Variants in STAC observed in about 807,000 individuals in gnomAD.
STAC encodes the protein SH3 and cysteine rich domain, also known as SH3 and cysteine-rich domain-containing protein.
A neutral mutation model predicts 48.8 loss-of-function variants in STAC; 43 were observed. The observed-to-expected ratio is 0.88, with a 90% confidence interval of 0.69 to 1.14. The LOEUF (loss-of-function observed/expected upper bound fraction) is 1.14. Among genes scored for constraint, STAC ranks in the 50% most tolerant of loss-of-function variants. STAC has a pLI of 0.00. For missense variants in STAC, 497 were observed against 504.0 expected, an observed-to-expected ratio of 0.99 and a Z score of 0.13; for synonymous variants, 193 against 179.5, an observed-to-expected ratio of 1.07 and a Z score of -0.60.
At chr3:36,400,374 A>C (rs985783965) in intron 1 of STAC, among the ~76,000 whole-genome samples, 2 of 152,208 alleles carry the variant, frequency 1.3e-5, no homozygotes, top group Non-Finnish European at 2.9e-5. Context: ...TTTCACTGAA[A>C]ATATAATGTA....
intron 2 of STAC, among the ~76,000 whole-genome samples, chr3:36,481,571 C>T (rs113231350): frequency 1.9e-3 from 296 of 152,304 alleles, no homozygotes; most frequent in African/African-American, 6.6e-3. Context: ...ACTACCTGGA[C>T]ATATTCATTC....
At chr3:36,528,274 T>G (rs1575264052) in intron 8 of STAC, among the ~76,000 whole-genome samples, 1 of 152,056 alleles carries the variant, frequency 6.6e-6, no homozygotes, top group Non-Finnish European at 1.5e-5. Context: ...ATTGAGACCA[T>G]CCTGGCCAAC....
intron 6 of STAC, among the ~76,000 whole-genome samples, chr3:36,496,737 C>T (rs1321118987): frequency 1.3e-5 from 2 of 152,198 alleles, no homozygotes; most frequent in Non-Finnish European, 2.9e-5. Flanking sequence ...AGAAGCTTCA[C>T]TCATAACAAA....
intron 1 of STAC, among the ~76,000 whole-genome samples, chr3:36,395,815 C>A (rs1184041079): frequency 6.6e-6 from 1 of 152,020 alleles, no homozygotes; most frequent in East Asian, 1.9e-4. Flanking sequence ...GACTGTCAGT[C>A]CCAGTAATCT....
intron 1 of STAC, among the ~76,000 whole-genome samples, chr3:36,433,384 C>A (rs1700752194): frequency 6.6e-6 from 1 of 152,156 alleles, no homozygotes; most frequent in Non-Finnish European, 1.5e-5. Context: ...CAGTAAGGAA[C>A]CTGGTATAAC....
intron 1 of STAC, among the ~76,000 whole-genome samples, chr3:36,406,921 G>A (rs1201474124): frequency 6.6e-6 from 1 of 152,168 alleles, no homozygotes; most frequent in Non-Finnish European, 1.5e-5. Context: ...TTAATGTATG[G>A]ATGAATGAAT....
intron 1 of STAC, among the ~76,000 whole-genome samples, chr3:36,423,772 C>A (rs1700500926): frequency 6.6e-6 from 1 of 152,116 alleles, no homozygotes; most frequent in Non-Finnish European, 1.5e-5. Flanking sequence ...CCTTGCTTAA[C>A]ACATTCAGCA....
chr3:36,431,387 T>A (rs556312180), intron 1 of STAC, among the ~76,000 whole-genome samples: 1 of 152,238 alleles, frequency 6.6e-6, no homozygotes, highest in African/African-American at 2.4e-5. Flanking sequence ...CTGCCGCCCG[T>A]GTTGGGCTTT....
At chr3:36,398,640 AAG>A (rs1288483916) in intron 1 of STAC, among the ~76,000 whole-genome samples, 2 of 117,688 alleles carry the variant, frequency 1.7e-5, no homozygotes, top group Non-Finnish European at 3.8e-5. Flanking sequence ...GAGAGAAAGA[AAG>A]AAAGAAAGAG....
At chr3:36,416,416 T>TGA (rs1354415237) in intron 1 of STAC, among the ~76,000 whole-genome samples, 1 of 152,236 alleles carries the variant, frequency 6.6e-6, no homozygotes. Context: ...GAGGCTTCAG[T>TGA]GAGCCATGAG....
intron 1 of STAC, among the ~76,000 whole-genome samples, chr3:36,442,936 G>A (rs1213377184): frequency 6.6e-6 from 1 of 152,124 alleles, no homozygotes. Context: ...AGAGACAAGT[G>A]GCTGTTAAGT....
rs1163540322 is a variant in STAC, at chr3:36,443,877, C to A, written c.388+237C>A. 6.6e-6 allele frequency among the ~76,000 whole-genome samples: 1 copy of A among 152,156 alleles called. No homozygotes were observed. Among genetic ancestry groups the A allele is most frequent in the Non-Finnish European group, 1.5e-5 (1 of 68,032 alleles). On this transcript the variant is annotated intron_variant, in intron 2 of 10. Coordinates refer to ENST00000273183, the MANE Select transcript of STAC (RefSeq NM_003149.3). The surrounding 1 kb of genome is among the most constrained non-coding windows in gnomAD (Gnocchi z 4.2). ...TGTAATCAGGACTTCAGCTGATCCC[C>A]TGTAGATCCCTAAAGCCCTTTAGCG...
intron 5 of STAC, among the ~76,000 whole-genome samples, chr3:36,492,027 AAAAAATATATATATATATATATATAT>A (rs1697989732): frequency 5.5e-5 from 1 of 18,334 alleles, no homozygotes; most frequent in Non-Finnish European, 1.3e-4. Context: ...AAAAAAAAAA[AAAAAATATATATATATATATATATAT>A]ATATATATAT....
chr3:36,477,231 T>A (rs1697517161), intron 2 of STAC, among the ~76,000 whole-genome samples: 1 of 152,208 alleles, frequency 6.6e-6, no homozygotes, highest in Admixed American at 6.5e-5. Flanking sequence ...TTTTAACTGT[T>A]GTTCATTGTT....
At chr3:36,395,045 C>A (rs1273140133) in intron 1 of STAC, among the ~76,000 whole-genome samples, 1 of 142,692 alleles carries the variant, frequency 7.0e-6, no homozygotes, top group East Asian at 2.0e-4. Context: ...ATATATATAT[C>A]AAAATATTTT....
chr3:36,538,285 T>G (rs1414416015), intron 10 of STAC, among the ~76,000 whole-genome samples: 5 of 152,164 alleles, frequency 3.3e-5, no homozygotes, highest in South Asian at 4.1e-4. Flanking sequence ...TACAACTAAA[T>G]AGCTGAGTTG....
intron 2 of STAC, among the ~76,000 whole-genome samples, chr3:36,474,290 A>G (rs960679799): frequency 2.3e-4 from 35 of 152,326 alleles, no homozygotes; most frequent in African/African-American, 7.9e-4. Flanking sequence ...TTGGGCCAGG[A>G]TAGTTGCAGC....
chr3:36,477,105 T>C (rs1033482434), intron 2 of STAC, among the ~76,000 whole-genome samples: 1 of 152,206 alleles, frequency 6.6e-6, no homozygotes. Context: ...AAAAAATTTT[T>C]TCTTAAATCA....
chr3:36,412,013 G>T (rs146823501), intron 1 of STAC, among the ~76,000 whole-genome samples: 1 of 152,280 alleles, frequency 6.6e-6, no homozygotes, highest in Non-Finnish European at 1.5e-5. Context: ...ACAAGTTAAA[G>T]ATAATTTTGA....
Sources: gnomAD v4.1 joint callset for allele counts (sites outside exome capture counted in the v4.1 genomes callset) on GRCh38, gnomAD v4.1.1 for gene constraint, Gnocchi (gnomAD v3.1) non-coding constraint, MANE v1.5 for transcripts, NCBI Gene and HGNC (gene_info 2026-07-23, HGNC 2026-07-21) for gene names.